The following COL22A1 variants were observed in gnomAD, a reference collection of about 807,000 sequenced individuals.
The protein encoded by COL22A1 is collagen type XXII alpha 1 chain.
In COL22A1, 221 loss-of-function variants were observed where a neutral mutation model predicts 248.9. The observed-to-expected ratio is 0.89, with a 90% CI of 0.80 to 0.99. The LOEUF is 0.99. Ranked by LOEUF, COL22A1 falls within the 50% of genes least tolerant of loss-of-function variation. The probability of loss-of-function intolerance (pLI) is 0.00; values close to 1 mark genes in which losing one functional copy is unlikely to be tolerated. For synonymous variants in COL22A1, 891 were observed against 793.4 expected, an observed-to-expected ratio of 1.12 and a Z score of -2.07; for missense variants, 2,240 against 2,179.0, an observed-to-expected ratio of 1.03 and a Z score of -0.56.
intron 37 of COL22A1, among the ~76,000 whole-genome samples, chr8:138,687,952 G>A (rs1237713163): frequency 6.6e-6 from 1 of 152,176 alleles, no homozygotes; most frequent in Non-Finnish European, 1.5e-5. Context: ...AAAACCCCCT[G>A]TTGAGAATCA....
At chr8:138,802,687 A>C (rs1817100631) in intron 11 of COL22A1, among the ~76,000 whole-genome samples, 185 bp downstream of exon 11, 1 of 152,152 alleles carries the variant, frequency 6.6e-6, no homozygotes, top group Non-Finnish European at 1.5e-5. Flanking sequence ...CGCCAAGACC[A>C]TATTCAGCAG....
chr8:138,814,393 T>A (rs1818501315), intron 7 of COL22A1, among the ~76,000 whole-genome samples: 1 of 152,202 alleles, frequency 6.6e-6, no homozygotes, highest in East Asian at 1.9e-4. Flanking sequence ...GATCAGGTCA[T>A]AAGAAGACTG....
intron 10 of COL22A1, among the ~76,000 whole-genome samples, chr8:138,804,286 G>A (rs1205498961): frequency 6.6e-6 from 1 of 152,274 alleles, no homozygotes; most frequent in African/African-American, 2.4e-5. Context: ...CATGGTTTGG[G>A]ACAATGTGAC....
In COL22A1 at chr8:138,717,786, C is replaced by T. The variant is rs79034915; in HGVS notation, c.2356-917G>A. Among the ~76,000 whole-genome samples the T allele has an allele frequency of 7.3e-3, 1,107 of 152,322 alleles. 14 individuals are homozygous for T. Among genetic ancestry groups the T allele is most frequent in the African/African-American group, 0.025 (1,035 of 41,566 alleles). ...TTATCTCTGATCCAAGAGCATCAAT[C>T]AGGCTGCTGCACTTCCCAGGTTCTT... On this transcript the variant is annotated intron_variant, in intron 27 of 64. Transcript: ENST00000303045.
At chr8:138,591,150 AT>A (rs1202210973) in intron 64 of COL22A1, among the ~76,000 whole-genome samples, 2 of 151,820 alleles carry the variant, frequency 1.3e-5, no homozygotes, top group Admixed American at 6.6e-5. Flanking sequence ...GCCCAAGTCA[AT>A]TTTTTTTTCC....
intron 44 of COL22A1, among the ~76,000 whole-genome samples, chr8:138,658,866 A>ATCTTCTCTCTTCTC (rs138800901): frequency 0.1 from 15,116 of 150,844 alleles, 1,184 homozygotes; most frequent in African/African-American, 0.21. Flanking sequence ...AATCTAACAG[A>ATCTTCTCTCTTCTC]TCTTCTCTCT....
At chr8:138,737,752 G>C (rs1349015957) in intron 22 of COL22A1, among the ~76,000 whole-genome samples, 175 bp from the exon 23 acceptor site, 2 of 152,050 alleles carry the variant, frequency 1.3e-5, no homozygotes, top group Non-Finnish European at 2.9e-5. Context: ...AAAGGACTCA[G>C]GCTTTTTCTG....
intron 45 of COL22A1, among the ~76,000 whole-genome samples, chr8:138,653,450 CTG>C (rs1054395260): frequency 1.2e-4 from 19 of 152,208 alleles, no homozygotes; most frequent in Non-Finnish European, 1.5e-5. Flanking sequence ...ACTACAAGGT[CTG>C]TGATTTGAAC....
chr8:138,702,142 T>C lies in COL22A1; in HGVS notation c.2559+1164A>G, dbSNP rs76369301. On this transcript the variant is annotated intron_variant, in intron 31 of 64. Transcript: ENST00000303045. The stretch of plus-strand genomic sequence containing the variant: ...TAGGGGTAGGCACTTTGTGATATAT[T>C]GGTACTGCCAAGTAACTTCTCAAAT... 2.0e-3 allele frequency among the ~76,000 whole-genome samples: 311 copies of C among 152,322 alleles called. 8 individuals carry two copies. The East Asian group carries it at 0.056, about 28-fold the overall frequency.
chr8:138,811,793 C>A lies in COL22A1; in HGVS notation c.1449+6G>T. Reference sequence around the variant, plus strand: ...GCTGGGGCTGAAGGTGGACTGCAGACAATACCTTCTCTCCAGCTGGGCAGG... The same window carrying A: ...GCTGGGGCTGAAGGTGGACTGCAGAAAATACCTTCTCTCCAGCTGGGCAGG... On this transcript the variant is annotated splice_donor_region_variant and intron_variant, in intron 9 of 64. Coordinates refer to ENST00000303045, the MANE Select transcript of COL22A1 (RefSeq NM_152888.3). 2.8e-6 allele frequency: 4 copies of A among 1,414,470 alleles called. No homozygotes were observed. The highest frequency in any genetic ancestry group is 3.8e-6 in the Non-Finnish European group (4 of 1,054,186). 87.6% of individuals were successfully genotyped at this position (1,414,470 alleles called of 1,614,324 possible).
chr8:138,796,690 C>A, intron 12 of COL22A1, 129 bp downstream of exon 12: 1 of 716,090 alleles, frequency 1.4e-6, no homozygotes, highest in Admixed American at 2.0e-5. Flanking sequence ...GCCAGTTACA[C>A]AGCCCAGGAC....
intron 40 of COL22A1, among the ~76,000 whole-genome samples, chr8:138,678,987 C>A (rs1432394617): frequency 6.6e-6 from 1 of 152,182 alleles, no homozygotes; most frequent in Non-Finnish European, 1.5e-5. Flanking sequence ...GTAATCATGG[C>A]TCACTGCAGC....
At chr8:138,744,242 C>T (rs1831928921) in intron 22 of COL22A1, among the ~76,000 whole-genome samples, 1 of 152,264 alleles carries the variant, frequency 6.6e-6, no homozygotes, top group Non-Finnish European at 1.5e-5. Context: ...AAAGACTGGC[C>T]ATGTTTCCTT....
At chr8:138,637,852 CATCATT>C (rs1047284222) in intron 47 of COL22A1, among the ~76,000 whole-genome samples, 1 of 150,424 alleles carries the variant, frequency 6.6e-6, no homozygotes, top group African/African-American at 2.4e-5. Flanking sequence ...TCACCATCAC[CATCATT>C]ATTATTCCAT....
intron 4 of COL22A1, among the ~76,000 whole-genome samples, chr8:138,840,772 A>AT (rs1324200960): frequency 6.6e-6 from 1 of 151,742 alleles, no homozygotes; most frequent in Non-Finnish European, 1.5e-5. Context: ...TAGTTGGCTG[A>AT]TTTTTTTGTG....
At chr8:138,841,375 A>T (rs780901630) in intron 4 of COL22A1, among the ~76,000 whole-genome samples, 2 of 152,188 alleles carry the variant, frequency 1.3e-5, no homozygotes, top group Non-Finnish European at 2.9e-5. Context: ...TTCTCAGAAT[A>T]GAATAAAATG....
chr8:138,719,961 C>T (rs1829745501), intron 27 of COL22A1, among the ~76,000 whole-genome samples: 1 of 152,202 alleles, frequency 6.6e-6, no homozygotes, highest in African/African-American at 2.4e-5. Context: ...GTCTCCTCAG[C>T]ACCACAGGTT....
intron 2 of COL22A1, among the ~76,000 whole-genome samples, chr8:138,880,834 C>T (rs1204879977): frequency 2.0e-5 from 3 of 152,348 alleles, no homozygotes; most frequent in Non-Finnish European, 2.9e-5. Context: ...AGGCAGAACC[C>T]GGCCTGCAGA....
At position 138,717,570 on chromosome 8, in the gene COL22A1, T is replaced by C. The variant is rs146149068; in HGVS notation, c.2356-701A>G. Among the ~76,000 whole-genome samples the C allele has an allele frequency of 4.5e-3, 683 of 152,222 alleles. 5 individuals are homozygous for C. Among genetic ancestry groups the C allele is most frequent in the Middle Eastern group, 0.027 (8 of 294 alleles). On this transcript the variant is annotated intron_variant, in intron 27 of 64. Coordinates refer to ENST00000303045, the MANE Select transcript of COL22A1 (RefSeq NM_152888.3). Reference sequence around the variant, plus strand: ...CCTTGAGCTCTTGGGCTCAAAAAATTATCCCACCTCAACCTCCTGAGTAGA... The same window carrying C: ...CCTTGAGCTCTTGGGCTCAAAAAATCATCCCACCTCAACCTCCTGAGTAGA...
Sources: gnomAD v4.1 joint callset for allele counts (sites outside exome capture counted in the v4.1 genomes callset) on GRCh38, gnomAD v4.1.1 for gene constraint, MANE v1.5 for transcripts, NCBI Gene and HGNC (gene_info 2026-07-23, HGNC 2026-07-21) for gene names.